The following FBXO8 variants were observed in gnomAD, a reference collection of about 807,000 sequenced individuals.
FBXO8 encodes the protein F-box only protein 8.
Under a neutral mutation model 33.4 loss-of-function variants are expected in FBXO8, and 15 were observed. That is an observed-to-expected ratio of 0.45 (90% CI 0.30 to 0.69). The LOEUF is 0.69. FBXO8 is among the 30% of genes least tolerant of loss of function. The pLI is 0.08. For missense variants in FBXO8, 274 were observed against 380.3 expected (o/e 0.72, Z 2.32); for synonymous variants, 132 against 131.5 (o/e 1.00, Z -0.02).
intron 1 of FBXO8, chr4:174,268,916 T>C (rs1403068817): frequency 2.0e-5 from 3 of 152,258 alleles, no homozygotes; most frequent in African/African-American, 7.2e-5. Context: ...TTGCGCATGT[T>C]TGCTAAAGGC....
Position 174,241,868 on chromosome 4 carries a change from T to C in FBXO8, c.457-650A>G, listed in dbSNP as rs7665095. On this transcript the variant is annotated intron_variant, in intron 3 of 5. Transcript: ENST00000393674. This position sits in a 1 kb window ranked among gnomAD's most constrained non-coding sequence, Gnocchi z 4.2. ...AATTCAATGTTTTTCATAGAATTTA[T>C]CTTTGAATTTCCTTTTCTCTGCATG... Among the ~76,000 whole-genome samples, 2,659 of 151,576 alleles carry C rather than the reference T, an allele frequency of 0.018. 64 individuals carry two copies. The highest frequency in any genetic ancestry group is 0.06 in the African/African-American group (2,472 of 41,476).
Position 174,261,607 on chromosome 4 carries a change from A to T in FBXO8, c.329+1157T>A, listed in dbSNP as rs1736563883. On this transcript the variant is annotated intron_variant, in intron 2 of 5. Transcript: ENST00000393674. The surrounding 1 kb of genome is among the most constrained non-coding windows in gnomAD (Gnocchi z 4.1). ...ATAACATTTATTTTAAAGACTCCTC[A>T]TTAACAGAATTTCCTCTCACGTAGT... Among the ~76,000 whole-genome samples, 1 of 151,976 alleles carries T rather than the reference A, an allele frequency of 6.6e-6. No individual in the cohort carries two copies. Among genetic ancestry groups the T allele is most frequent in the Non-Finnish European group, 1.5e-5 (1 of 67,862 alleles).
At chr4:174,246,371 T>C (rs1319714967) in intron 3 of FBXO8, among the ~76,000 whole-genome samples, 1 of 151,946 alleles carries the variant, frequency 6.6e-6, no homozygotes, top group Non-Finnish European at 1.5e-5. Flanking sequence ...TTCAAATAGC[T>C]GAAGGATACT....
At position 174,259,789 on chromosome 4, in the gene FBXO8, G is replaced by A. The variant is rs755750962; in HGVS notation, c.366C>T (p.Tyr122=). 9.3e-6 allele frequency: 15 copies of A among 1,610,492 alleles called. No homozygotes were observed. In the South Asian group the frequency reaches 1.3e-4, roughly 14 times the overall value. The change falls in exon 3 of 6, where the codon TAC becomes TAT. Residue 122 remains tyrosine, a synonymous_variant. Coordinates refer to ENST00000393674, the MANE Select transcript of FBXO8 (RefSeq NM_012180.3). The surrounding 1 kb of genome is among the most constrained non-coding windows in gnomAD (Gnocchi z 4.3). ...CKSTWGHCSI[Y]NKNPPLGFSF... is the part of the protein sequence containing the mutation. ...AAAATCCTAAAGGTGGGTTCTTATT[G>A]TATATGGAACAGTGACCCCAAGTGG...
chr4:174,239,628 C>T (rs1735980619), intron 4 of FBXO8, among the ~76,000 whole-genome samples: 1 of 151,740 alleles, frequency 6.6e-6, no homozygotes, highest in African/African-American at 2.4e-5. Context: ...TTTAAGAATG[C>T]CTACATATGC....
Position 174,237,799 on chromosome 4 carries a change from T to C in FBXO8, c.773-200A>G, listed in dbSNP as rs1735921839. ...CCTGTCATCCTGGGAAACTCAATCC[T>C]GAGCAAACCAGGATGGTTATCATCC... On this transcript the variant is annotated intron_variant, in intron 5 of 5. Coordinates refer to ENST00000393674, the MANE Select transcript of FBXO8 (RefSeq NM_012180.3). This position sits in a 1 kb window ranked among gnomAD's most constrained non-coding sequence, Gnocchi z 4.4. Among the ~76,000 whole-genome samples, 1 of 152,124 alleles carries C rather than the reference T, an allele frequency of 6.6e-6. No homozygotes were observed. Among genetic ancestry groups the C allele is most frequent in the Non-Finnish European group, 1.5e-5 (1 of 67,972 alleles).
At position 174,255,610 on chromosome 4, in the gene FBXO8, C is replaced by G. The variant is rs1261988722; in HGVS notation, c.456+4089G>C. 1.3e-5 allele frequency among the ~76,000 whole-genome samples: 2 copies of G among 151,386 alleles called. No homozygotes were observed. Among genetic ancestry groups the G allele is most frequent in the Non-Finnish European group, 2.9e-5 (2 of 67,882 alleles). ...GTCATTAAAAAAAAAAACTTGTTAT[C>G]TGACCCCAATGAGGATATTTAAAAC... is the stretch of plus-strand genomic sequence containing the variant. On this transcript the variant is annotated intron_variant, in intron 3 of 5. Coordinates refer to ENST00000393674, the MANE Select transcript of FBXO8 (RefSeq NM_012180.3). This position sits in a 1 kb window ranked among gnomAD's most constrained non-coding sequence, Gnocchi z 4.3.
At chr4:174,268,678 C>T (rs1273285017) in intron 1 of FBXO8, among the ~76,000 whole-genome samples, 1 of 152,110 alleles carries the variant, frequency 6.6e-6, no homozygotes, top group African/African-American at 2.4e-5. Flanking sequence ...CCTCGTGATC[C>T]GCCCGCCTTG....
rs553490472 is a variant in FBXO8 at position 174,251,800 on chromosome 4, C to T, written c.456+7899G>A. Among the ~76,000 whole-genome samples, 1 of 152,200 alleles carries T rather than the reference C, an allele frequency of 6.6e-6. No individual in the cohort carries two copies. Among genetic ancestry groups the T allele is most frequent in the South Asian group, 2.1e-4 (1 of 4,814 alleles). On this transcript the variant is annotated intron_variant, in intron 3 of 5. Transcript: ENST00000393674. The surrounding 1 kb of genome is among the most constrained non-coding windows in gnomAD (Gnocchi z 4.2). ...CTAATGCTGATCAAGGAGAAGGAGC[C>T]TGCCATAAACTCCAGCATTTTAGCT...
rs1437520279 is a variant in FBXO8 at position 174,267,231 on chromosome 4, G to T, written c.-8-4131C>A. Reference sequence around the variant, plus strand: ...TGCCAATAGCAGTTCCATGAAATAGGTCTTTGTGTTATTGTTAATAATCTG... The same window carrying T: ...TGCCAATAGCAGTTCCATGAAATAGTTCTTTGTGTTATTGTTAATAATCTG... On this transcript the variant is annotated intron_variant, in intron 1 of 5. Transcript: ENST00000393674. The surrounding 1 kb of genome is among the most constrained non-coding windows in gnomAD (Gnocchi z 4.7). Among the ~76,000 whole-genome samples the T allele has an allele frequency of 6.6e-6, 1 of 152,114 alleles. No individual in the cohort carries two copies. Among genetic ancestry groups the T allele is most frequent in the Non-Finnish European group, 1.5e-5 (1 of 68,020 alleles).
intron 1 of FBXO8, among the ~76,000 whole-genome samples, chr4:174,279,220 A>G (rs1737019066): frequency 6.6e-6 from 1 of 152,128 alleles, no homozygotes; most frequent in Non-Finnish European, 1.5e-5. Context: ...ATTTCTATAC[A>G]TTTACAATAA....
Position 174,245,715 on chromosome 4 carries a change from G to A in FBXO8, c.457-4497C>T, listed in dbSNP as rs1736143174. ...AAATTAGATAGTGGGCTATTCAGCGGAGCACTCACTTAAAAAATAAAAATA... is the reference window on the plus strand; with the variant it reads ...AAATTAGATAGTGGGCTATTCAGCGAAGCACTCACTTAAAAAATAAAAATA... On this transcript the variant is annotated intron_variant, in intron 3 of 5. Transcript: ENST00000393674. This position sits in a 1 kb window ranked among gnomAD's most constrained non-coding sequence, Gnocchi z 4.6. Among the ~76,000 whole-genome samples, 1 of 151,830 alleles carries A rather than the reference G, an allele frequency of 6.6e-6. No individual in the cohort carries two copies. Among genetic ancestry groups the A allele is most frequent in the Non-Finnish European group, 1.5e-5 (1 of 67,934 alleles).
chr4:174,264,004 C>G (rs1411735638), intron 1 of FBXO8, among the ~76,000 whole-genome samples: 1 of 152,130 alleles, frequency 6.6e-6, no homozygotes, highest in Non-Finnish European at 1.5e-5. Flanking sequence ...TCATTCAGAA[C>G]AACTAAATCG....
chr4:174,243,205 A>T (rs1466513819), intron 3 of FBXO8, among the ~76,000 whole-genome samples: 1 of 151,464 alleles, frequency 6.6e-6, no homozygotes, highest in Non-Finnish European at 1.5e-5. Flanking sequence ...TTTATATCTA[A>T]TCTAACCTCA....
In FBXO8 at chr4:174,247,192, C is replaced by G. The variant is rs567840881; in HGVS notation, c.457-5974G>C. ...AAAGTACTGTCTACTGCCACAGACA[C>G]CTGGCACACACATTGTGTAACAGTT... On this transcript the variant is annotated intron_variant, in intron 3 of 5. Transcript: ENST00000393674. The surrounding 1 kb of genome is among the most constrained non-coding windows in gnomAD (Gnocchi z 4.6). Among the ~76,000 whole-genome samples the G allele has an allele frequency of 6.6e-6, 1 of 152,078 alleles. No homozygotes were observed. The highest frequency in any genetic ancestry group is 1.9e-4 in the East Asian group (1 of 5,172).
intron 3 of FBXO8, among the ~76,000 whole-genome samples, chr4:174,244,149 T>TG (rs140324878): frequency 0.022 from 3,405 of 151,654 alleles, 61 homozygotes; most frequent in Middle Eastern, 0.085. Flanking sequence ...TAAGCTCTTT[T>TG]GGGGGGCTAT....
chr4:174,241,122 G>A lies in FBXO8; in HGVS notation c.553C>T (p.Leu185=), dbSNP rs1293813773. The change falls in exon 4 of 6, where the codon CTG becomes TTG. Residue 185 remains leucine, a synonymous_variant. Transcript: ENST00000393674. This position sits in a 1 kb window ranked among gnomAD's most constrained non-coding sequence, Gnocchi z 4.2. Reference sequence around the variant, plus strand: ...TACCTTTCATCAAGATAGATTCTCAGTTTTTTCCAATTTAGTGTTCTTGTA... The same window carrying A: ...TACCTTTCATCAAGATAGATTCTCAATTTTTTCCAATTTAGTGTTCTTGTA... ...FCTRTLNWKK[L]RIYLDERRDV... The A allele has an allele frequency of 7.5e-6, 12 of 1,602,572 alleles. No homozygotes were observed. In the Admixed American group the frequency reaches 1.9e-4, roughly 25 times the overall value.
In FBXO8 at chr4:174,265,460, T is replaced by C. The variant is rs1001999380; in HGVS notation, c.-8-2360A>G. On this transcript the variant is annotated intron_variant, in intron 1 of 5. Coordinates refer to ENST00000393674, the MANE Select transcript of FBXO8 (RefSeq NM_012180.3). This position sits in a 1 kb window ranked among gnomAD's most constrained non-coding sequence, Gnocchi z 4.7. Reference sequence around the variant, plus strand: ...TAAGCAACTACGATGTACTTCATTATGCGAATGTATAAATAAGCTGTGGTA... The same window carrying C: ...TAAGCAACTACGATGTACTTCATTACGCGAATGTATAAATAAGCTGTGGTA... 3.9e-5 allele frequency among the ~76,000 whole-genome samples: 6 copies of C among 152,182 alleles called. No individual in the cohort carries two copies. Among genetic ancestry groups the C allele is most frequent in the Admixed American group, 6.5e-5 (1 of 15,272 alleles).
chr4:174,246,014 T>G (rs1736149355), intron 3 of FBXO8, among the ~76,000 whole-genome samples: 1 of 151,918 alleles, frequency 6.6e-6, no homozygotes. Context: ...AAAGGCATAG[T>G]AGGCAGTTGG....
Sources: gnomAD v4.1 joint callset for allele counts (sites outside exome capture counted in the v4.1 genomes callset) on GRCh38, gnomAD v4.1.1 for gene constraint, Gnocchi (gnomAD v3.1) non-coding constraint, MANE v1.5 for transcripts, NCBI Gene and HGNC (gene_info 2026-07-23, HGNC 2026-07-21) for gene names.